Variants in PCGF3 observed in about 807,000 individuals in gnomAD.
The protein encoded by PCGF3 is polycomb group RING finger protein 3.
A neutral mutation model predicts 33.1 loss-of-function variants in PCGF3; 7 were observed. The ratio of observed to expected loss-of-function variants is 0.21; its 90% CI spans 0.12 to 0.40. The LOEUF (loss-of-function observed/expected upper bound fraction) is 0.40. PCGF3 is among the 10% of genes least tolerant of loss of function. The probability of loss-of-function intolerance (pLI) is 1.00; values close to 1 mark genes in which losing one functional copy is unlikely to be tolerated. For synonymous variants in PCGF3, 153 were observed against 121.3 expected (o/e 1.26, Z -1.72); for missense variants, 211 against 313.3 (o/e 0.67, Z 2.46).
Position 749,476 on chromosome 4 carries a change from C to CTTTTTTTTTTTTTTT in PCGF3, c.462+4798_462+4812dup, listed in dbSNP as rs71640348. 7.5e-3 allele frequency among the ~76,000 whole-genome samples: 565 copies of CTTTTTTTTTTTTTTT among 75,458 alleles called. 32 individuals are homozygous for CTTTTTTTTTTTTTTT. Among genetic ancestry groups the CTTTTTTTTTTTTTTT allele is most frequent in the Middle Eastern group, 0.014 (1 of 74 alleles). The allele number at this position is 75,458 out of a possible 152,430, so 49.5% of individuals were successfully genotyped here. On this transcript the variant is annotated intron_variant, in intron 8 of 10. Coordinates refer to ENST00000362003, the Ensembl canonical transcript of PCGF3. ...ACCATGCCCTGCTGAATTTTCTTTC[C>CTTTTTTTTTTTTTTT]TTTTTTTTTTTTTTTTTTTTTTTTG...
Position 707,446 on chromosome 4 carries a change from C to G in PCGF3, c.-190+1476C>G, listed in dbSNP as rs114586723. Among the ~76,000 whole-genome samples the G allele has an allele frequency of 4.2e-3, 631 of 148,976 alleles. 16 individuals are homozygous for G. Among genetic ancestry groups the G allele is most frequent in the African/African-American group, 0.016 (600 of 38,614 alleles). On this transcript the variant is annotated intron_variant, in intron 1 of 10. Coordinates refer to ENST00000362003, the Ensembl canonical transcript of PCGF3. ...CTGGGACCCTGAGACTGCCCCGTCT[C>G]CCCCGGGACCCTGAGACAGCCCTGT...
chr4:715,016 A>T (rs55756427), intron 1 of PCGF3, among the ~76,000 whole-genome samples: 9,964 of 96,682 alleles, frequency 0.1, 3 homozygotes, highest in Middle Eastern at 0.16. Context: ...CCCTGTAGAC[A>T]CTGAGTGTGA....
chr4:753,030 G>GGA (rs963691307), intron 8 of PCGF3, among the ~76,000 whole-genome samples: 2 of 152,218 alleles, frequency 1.3e-5, no homozygotes, highest in African/African-American at 4.8e-5. Context: ...CTGGATAGTG[G>GGA]GAGACAGATC....
Position 761,398 on chromosome 4 carries a change from C to A in PCGF3, c.582C>A (p.Asn194Lys), listed in dbSNP as rs34100269. The A allele has an allele frequency of 3.1e-6, 5 of 1,608,554 alleles. No homozygotes were observed. The South Asian group carries it at 5.5e-5, about 18-fold the overall frequency. Residue 194 changes from asparagine (N) to lysine (K), a missense_variant, in exon 9 of 11, where the codon AAC (asparagine) becomes AAA (lysine). Asn to Lys is a moderately conservative substitution (Grantham distance 94). Around this residue, in one of 3 missense-constraint regions of PCGF3, gnomAD observed 63 missense variants for 123.8 expected, o/e 0.51. Coordinates refer to ENST00000362003, the Ensembl canonical transcript of PCGF3. ...AGAAGTTCATCGCCAAAAAACTCAA[C>A]CTTTCATCCTTTAACGAGGTAACAG... is the stretch of plus-strand genomic sequence containing the variant.
At chr4:735,288 T>C (rs1219096528) in intron 5 of PCGF3, among the ~76,000 whole-genome samples, 4 of 152,220 alleles carry the variant, frequency 2.6e-5, no homozygotes, top group South Asian at 2.1e-4. Context: ...GGCTCATGCC[T>C]ATAATCCCAG....
chr4:751,202 A>G (rs1200878767), intron 8 of PCGF3, among the ~76,000 whole-genome samples: 1 of 152,130 alleles, frequency 6.6e-6, no homozygotes, highest in Non-Finnish European at 1.5e-5. Flanking sequence ...ATCCGCGTCT[A>G]TAACTTCGTG....
chr4:758,401 A>C (rs1744875788), intron 8 of PCGF3, among the ~76,000 whole-genome samples: 1 of 133,972 alleles, frequency 7.5e-6, no homozygotes, highest in African/African-American at 3.0e-5. Context: ...CTCCTTCCGG[A>C]CTCCGGGTCT....
chr4:766,878 ATTAC>A (rs1487305093), exon 11 of PCGF3: 20 of 152,380 alleles, frequency 1.3e-4, no homozygotes, highest in African/African-American at 4.6e-4. Context: ...ACTTTTAAAA[ATTAC>A]TTGTTCCCCC....
At chr4:723,117 C>T (rs1333521185) in intron 1 of PCGF3, among the ~76,000 whole-genome samples, 3 of 149,406 alleles carry the variant, frequency 2.0e-5, no homozygotes, top group East Asian at 2.0e-4. Context: ...GCGTCATCGC[C>T]GTCCGTGCCG....
intron 1 of PCGF3, among the ~76,000 whole-genome samples, chr4:727,772 C>T (rs1248941091): frequency 6.6e-6 from 1 of 152,162 alleles, no homozygotes; most frequent in Non-Finnish European, 1.5e-5. Flanking sequence ...GGATTTTCAC[C>T]TCTGTGTTTC....
exon 4 of PCGF3, chr4:733,788 C>T (rs754228650): frequency 6.2e-7 from 1 of 1,613,780 alleles, no homozygotes; most frequent in South Asian, 1.1e-5. Flanking sequence ...GTCTGCACAC[C>T]TGTACGTGCC....
chr4:711,615 G>A lies in PCGF3; in HGVS notation c.-190+5645G>A, dbSNP rs866020648. On this transcript the variant is annotated intron_variant, in intron 1 of 10. Transcript: ENST00000362003. Reference sequence around the variant, plus strand: ...TGGGACTACAGGCGCCCGCCACCGCGCCCGGCTAATTTTTTGTATTTTTAG... The same window carrying A: ...TGGGACTACAGGCGCCCGCCACCGCACCCGGCTAATTTTTTGTATTTTTAG... 4.5e-4 allele frequency among the ~76,000 whole-genome samples: 66 copies of A among 147,694 alleles called. 1 individual carries two copies. In the Middle Eastern group the frequency reaches 0.014, roughly 31 times the overall value.
intron 6 of PCGF3, among the ~76,000 whole-genome samples, chr4:737,886 C>T (rs1743905294): frequency 6.6e-6 from 1 of 152,236 alleles, no homozygotes; most frequent in African/African-American, 2.4e-5. Context: ...TTCCCCACAA[C>T]AGAGGAGCAG....
At chr4:737,093 G>C (rs1418479536) in intron 5 of PCGF3, among the ~76,000 whole-genome samples, 3 of 58,262 alleles carry the variant, frequency 5.1e-5, no homozygotes, top group Non-Finnish European at 6.8e-5. Context: ...GGAACCTGGG[G>C]TGTCTGCAGG....
rs58212655 is a variant in PCGF3 at position 767,238 on chromosome 4, T to G, written c.*1159T>G. The G allele has an allele frequency of 0.11, 16,248 of 152,174 alleles. 967 individuals carry two copies. The highest frequency in any genetic ancestry group is 0.15 in the African/African-American group (6,357 of 41,448). 9.4% of individuals were successfully genotyped at this position (152,174 alleles called of 1,614,324 possible). ...AGCTGAATCTGTGTTTCAGCCTCAG[T>G]TGGTTGCACCGTTAGCCCCTCTCCT... On this transcript the variant is annotated 3_prime_UTR_variant, in exon 11 of 11. Transcript: ENST00000362003.
In PCGF3 at chr4:721,924, T is replaced by C. The variant is rs948429301; in HGVS notation, c.-189-8706T>C. ...TGGAGAGAGGCCTGTGGGAGGTGGG[T>C]GGACATGTGTCGCTGCATGTGGGTG... is the stretch of plus-strand genomic sequence containing the variant. On this transcript the variant is annotated intron_variant, in intron 1 of 10. Transcript: ENST00000362003. This position sits in a 1 kb window ranked among gnomAD's most constrained non-coding sequence, Gnocchi z 4.1. 3.4e-5 allele frequency among the ~76,000 whole-genome samples: 5 copies of C among 146,848 alleles called. No individual in the cohort carries two copies. The highest frequency in any genetic ancestry group is 7.4e-5 in the Non-Finnish European group (5 of 67,264).
intron 3 of PCGF3, among the ~76,000 whole-genome samples, chr4:733,324 C>T (rs1340307217): frequency 6.6e-6 from 1 of 152,198 alleles, no homozygotes. Context: ...CTGCTCCTTC[C>T]GCTTTCACAG....
intron 3 of PCGF3, chr4:732,351 C>T (rs1292759750): frequency 6.5e-6 from 1 of 154,250 alleles, no homozygotes; most frequent in Admixed American, 6.6e-5. Context: ...CCTCCCTTCC[C>T]TTCCCCTCCC....
Position 758,396 on chromosome 4 carries a change from T to G in PCGF3, c.463-2883T>G, listed in dbSNP as rs1323119739. On this transcript the variant is annotated intron_variant, in intron 8 of 10. Coordinates refer to ENST00000362003, the Ensembl canonical transcript of PCGF3. ...GGCCCCTCTCCGGAGTTCTTCTCCTTCCGGACTCCGGGTCTTTCTCCCCGC... is the reference window on the plus strand; with the variant it reads ...GGCCCCTCTCCGGAGTTCTTCTCCTGCCGGACTCCGGGTCTTTCTCCCCGC... 2.8e-4 allele frequency among the ~76,000 whole-genome samples: 38 copies of G among 136,308 alleles called. 1 individual carries two copies. Among genetic ancestry groups the G allele is most frequent in the African/African-American group, 1.1e-3 (38 of 34,464 alleles). The allele number at this position is 136,308 out of a possible 152,430, so 89.4% of individuals were successfully genotyped here. A position where few individuals can be genotyped will look rare whatever the true frequency, so the allele number is the denominator to read the frequency against.
Sources: gnomAD v4.1 joint callset for allele counts (sites outside exome capture counted in the v4.1 genomes callset) on GRCh38, gnomAD v4.1.1 for gene constraint, gnomAD v4.1.1 regional missense constraint, Gnocchi (gnomAD v3.1) non-coding constraint, MANE v1.5 for transcripts, NCBI Gene and HGNC (gene_info 2026-07-23, HGNC 2026-07-21) for gene names.